CSMD1: variants seen among roughly 807,000 people sequenced by gnomAD.
CSMD1 encodes the protein CUB and Sushi multiple domains 1.
Under a neutral mutation model 417.5 loss-of-function variants are expected in CSMD1, and 213 were observed. The ratio of observed to expected loss-of-function variants is 0.51; its 90% confidence interval spans 0.46 to 0.57. CSMD1 has a LOEUF of 0.57. Ranked by LOEUF, CSMD1 falls within the 20% of genes least tolerant of loss-of-function variation. CSMD1 has a pLI of 0.00. For missense variants in CSMD1, 6,923 were observed against 4,529.7 expected (o/e 1.53, Z -15.17); for synonymous variants, 2,862 against 1,736.8 (o/e 1.65, Z -16.11).
intron 21 of CSMD1, among the ~76,000 whole-genome samples, chr8:3,356,127 A>C (rs1808771074): frequency 6.6e-6 from 1 of 152,210 alleles, no homozygotes; most frequent in Non-Finnish European, 1.5e-5. Context: ...AAAACGGCAC[A>C]CTTTTAACTC....
intron 7 of CSMD1, among the ~76,000 whole-genome samples, chr8:3,654,201 T>G (rs11775478): frequency 0.051 from 7,792 of 152,314 alleles, 259 homozygotes; most frequent in South Asian, 0.086. Flanking sequence ...GTTTTAATAT[T>G]TACCTTCAGT....
chr8:4,968,345 C>A (rs1810014170), intron 1 of CSMD1, among the ~76,000 whole-genome samples: 1 of 151,950 alleles, frequency 6.6e-6, no homozygotes, highest in Non-Finnish European at 1.5e-5. Context: ...TCACCATCAC[C>A]ACTATCCACG....
At chr8:4,307,550 A>T (rs1276526734) in intron 3 of CSMD1, among the ~76,000 whole-genome samples, 3 of 152,180 alleles carry the variant, frequency 2.0e-5, no homozygotes, top group African/African-American at 7.2e-5. Flanking sequence ...AGCATATTTT[A>T]AAATGTTGCC....
intron 1 of CSMD1, 60 bp from the exon 2 acceptor site, chr8:4,637,618 TA>T: frequency 9.9e-7 from 1 of 1,011,704 alleles, no homozygotes; most frequent in Non-Finnish European, 1.4e-6. Context: ...ATCTGTGATT[TA>T]AAAAATTTCT....
chr8:4,832,250 G>T (rs1315704982), intron 1 of CSMD1, among the ~76,000 whole-genome samples: 1 of 152,168 alleles, frequency 6.6e-6, no homozygotes, highest in Non-Finnish European at 1.5e-5. Context: ...ACATTAGCCA[G>T]TAATGGAAGT....
At chr8:4,202,339 G>A (rs969819355) in intron 3 of CSMD1, among the ~76,000 whole-genome samples, 2 of 152,008 alleles carry the variant, frequency 1.3e-5, no homozygotes, top group Non-Finnish European at 2.9e-5. Context: ...TTACAATATG[G>A]CATTTTAATG....
At chr8:3,933,239 G>C (rs1424565145) in intron 5 of CSMD1, among the ~76,000 whole-genome samples, 2 of 152,122 alleles carry the variant, frequency 1.3e-5, no homozygotes, top group African/African-American at 2.4e-5. Context: ...GAAGAAACAA[G>C]ATTTAGAGTA....
intron 26 of CSMD1, among the ~76,000 whole-genome samples, chr8:3,273,936 A>G (rs1332901307): frequency 7.5e-4 from 112 of 149,966 alleles, no homozygotes; most frequent in African/African-American, 2.0e-3. Context: ...CTTCAGTTCT[A>G]CTCTGATTTT....
chr8:3,558,091 G>A (rs76940674), intron 10 of CSMD1, among the ~76,000 whole-genome samples: 11 of 74,770 alleles, frequency 1.5e-4, no homozygotes, highest in Non-Finnish European at 2.8e-4. Context: ...ACCCCGTGTC[G>A]ACTCCTCCAA....
At chr8:4,510,446 C>T (rs73496673) in intron 2 of CSMD1, among the ~76,000 whole-genome samples, 1,834 of 125,718 alleles carry the variant, frequency 0.015, 51 homozygotes, top group African/African-American at 0.054. Flanking sequence ...TCCAAACATA[C>T]GCTTTATTAA....
Position 3,811,464 on chromosome 8 carries a change from G to C in CSMD1, c.819-57422C>G, listed in dbSNP as rs1401437528. On this transcript the variant is annotated intron_variant, in intron 5 of 69. Transcript: ENST00000635120. ...GTGGGCATGGATTTTATCTAGAATA[G>C]ACATTTGGTTTTTCCCAACCGAGTG... Among the ~76,000 whole-genome samples the C allele has an allele frequency of 3.3e-5, 5 of 152,236 alleles. No homozygotes were observed. The South Asian group carries it at 8.3e-4, about 25-fold the overall frequency.
chr8:3,505,136 T>C (rs548729666), intron 10 of CSMD1, among the ~76,000 whole-genome samples: 36 of 152,298 alleles, frequency 2.4e-4, no homozygotes, highest in East Asian at 1.2e-3. Context: ...CAGTAAATTA[T>C]TGAAATCTGC....
At chr8:3,319,984 G>C (rs574142661) in intron 23 of CSMD1, among the ~76,000 whole-genome samples, 19 of 152,206 alleles carry the variant, frequency 1.2e-4, no homozygotes, top group Admixed American at 3.9e-4. Context: ...CTCTACCAGT[G>C]GCTTAGAAAC....
chr8:4,805,944 T>C (rs1798562112), intron 1 of CSMD1, among the ~76,000 whole-genome samples: 1 of 152,138 alleles, frequency 6.6e-6, no homozygotes. Flanking sequence ...AACCTGAGCC[T>C]TTGCTAGACG....
intron 48 of CSMD1, among the ~76,000 whole-genome samples, chr8:3,090,870 T>G (rs181863226): frequency 1.7e-4 from 26 of 152,208 alleles, no homozygotes; most frequent in Admixed American, 1.6e-3. Context: ...CTACTGATGA[T>G]TGTATACAGG....
intron 3 of CSMD1, among the ~76,000 whole-genome samples, chr8:4,293,965 C>G (rs1401619561): frequency 5.3e-5 from 8 of 151,976 alleles, no homozygotes; most frequent in African/African-American, 2.4e-5. Context: ...AGTTCTAAAG[C>G]TGGTGCTTTT....
chr8:3,866,596 A>C (rs1805121664), intron 5 of CSMD1, among the ~76,000 whole-genome samples: 1 of 151,922 alleles, frequency 6.6e-6, no homozygotes, highest in Non-Finnish European at 1.5e-5. Context: ...AACACCTTAT[A>C]GTCTCTTCTT....
intron 1 of CSMD1, among the ~76,000 whole-genome samples, chr8:4,809,073 G>A (rs1225315225): frequency 6.6e-6 from 1 of 152,146 alleles, no homozygotes; most frequent in African/African-American, 2.4e-5. Flanking sequence ...ACTGCCTCTG[G>A]CTGCAGAATA....
At chr8:4,729,137 A>C (rs1809682434) in intron 1 of CSMD1, among the ~76,000 whole-genome samples, 1 of 152,224 alleles carries the variant, frequency 6.6e-6, no homozygotes, top group South Asian at 2.1e-4. Context: ...AGACTAAACA[A>C]AGAACACAAG....
Sources: gnomAD v4.1 joint callset for allele counts (sites outside exome capture counted in the v4.1 genomes callset) on GRCh38, gnomAD v4.1.1 for gene constraint, MANE v1.5 for transcripts, NCBI Gene and HGNC (gene_info 2026-07-23, HGNC 2026-07-21) for gene names.